NINL: variants seen among roughly 807,000 people sequenced by gnomAD.
NINL encodes ninein like, also known as ninein-like protein.
In NINL, 153 loss-of-function variants were observed where a neutral mutation model predicts 160.3. The ratio of observed to expected loss-of-function variants is 0.95; its 90% CI spans 0.84 to 1.09. The LOEUF is 1.09. Ranked by LOEUF, NINL falls within the 50% of genes least tolerant of loss-of-function variation. The probability of loss-of-function intolerance (pLI) is 0.00; values close to 1 mark genes in which losing one functional copy is unlikely to be tolerated. For synonymous variants in NINL, 800 were observed against 734.8 expected (o/e 1.09, Z -1.43); for missense variants, 1,829 against 1,764.0 (o/e 1.04, Z -0.66).
chr20:25,549,963 G>A (rs997723829), intron 1 of NINL, among the ~76,000 whole-genome samples: 2 of 152,224 alleles, frequency 1.3e-5, no homozygotes, highest in African/African-American at 4.8e-5. Context: ...ATGAAATAAA[G>A]TGGATCAGAA....
intron 7 of NINL, among the ~76,000 whole-genome samples, chr20:25,501,494 C>A (rs1382882359): frequency 6.6e-6 from 1 of 152,316 alleles, no homozygotes; most frequent in South Asian, 2.1e-4. Context: ...GGCGCACACA[C>A]CCCCAGACCC....
intron 22 of NINL, among the ~76,000 whole-genome samples, chr20:25,456,302 C>G (rs1013166537): frequency 1.4e-5 from 2 of 142,528 alleles, no homozygotes; most frequent in African/African-American, 5.2e-5. Context: ...AATCCTAGCA[C>G]TTTGGGAGTC....
intron 1 of NINL, among the ~76,000 whole-genome samples, chr20:25,554,040 G>A (rs574473635): frequency 2.0e-5 from 3 of 152,248 alleles, no homozygotes; most frequent in African/African-American, 7.2e-5. Flanking sequence ...AGGGCAGAAG[G>A]ACCAGGCCTT....
intron 7 of NINL, among the ~76,000 whole-genome samples, chr20:25,501,858 G>C (rs2063874475): frequency 6.6e-6 from 1 of 152,092 alleles, no homozygotes; most frequent in African/African-American, 2.4e-5. Context: ...CAAACTCCTG[G>C]GCTCAAGTGA....
intron 10 of NINL, among the ~76,000 whole-genome samples, chr20:25,494,380 C>T (rs960681173): frequency 6.6e-6 from 1 of 152,046 alleles, no homozygotes; most frequent in Non-Finnish European, 1.5e-5. Flanking sequence ...CCACATGGCA[C>T]CCCATGGGCC....
In NINL at chr20:25,458,029, C is replaced by T. The variant is rs942810540; in HGVS notation, c.3843+354G>A. 6.6e-5 allele frequency among the ~76,000 whole-genome samples: 10 copies of T among 152,176 alleles called. No homozygotes were observed. In the South Asian group the frequency reaches 1.0e-3, roughly 16 times the overall value. ...CACCTGCACTGCCCACGGCACCTGC[C>T]GGGCCCAATCTGTCACCCTCTGCTC... On this transcript the variant is annotated intron_variant, in intron 22 of 23. Transcript: ENST00000278886.
chr20:25,506,989 G>A (rs536614619), intron 5 of NINL, among the ~76,000 whole-genome samples: 20 of 152,298 alleles, frequency 1.3e-4, no homozygotes, highest in Non-Finnish European at 2.5e-4. Flanking sequence ...TATTCTTACA[G>A]TTGATTTGTT....
chr20:25,519,647 C>G (rs887408365), intron 2 of NINL, among the ~76,000 whole-genome samples: 2 of 151,944 alleles, frequency 1.3e-5, no homozygotes, highest in African/African-American at 4.8e-5. Context: ...AATGAAATAC[C>G]TGACAATGAA....
intron 22 of NINL, among the ~76,000 whole-genome samples, chr20:25,457,239 G>A (rs908194616): frequency 1.7e-4 from 26 of 152,214 alleles, no homozygotes; most frequent in African/African-American, 6.3e-4. Context: ...GAGGGGAATT[G>A]CTTGAACACA....
At chr20:25,456,241 CAAAAAAAAAAAAAAA>C (rs34657031) in intron 22 of NINL, among the ~76,000 whole-genome samples, 3 of 40,676 alleles carry the variant, frequency 7.4e-5, no homozygotes, top group Non-Finnish European at 8.4e-5. Context: ...GACTCCATCT[CAAAAAAAAAAAAAAA>C]AAAAAAAAAA....
chr20:25,570,875 G>T (rs2065047475), intron 1 of NINL, among the ~76,000 whole-genome samples: 1 of 151,588 alleles, frequency 6.6e-6, no homozygotes, highest in African/African-American at 2.4e-5. Flanking sequence ...GCTAATTTTT[G>T]TATTTTTTGT....
intron 1 of NINL, among the ~76,000 whole-genome samples, chr20:25,528,903 C>A (rs1252018872): frequency 6.6e-6 from 1 of 152,216 alleles, no homozygotes; most frequent in Non-Finnish European, 1.5e-5. Context: ...ACATCTCTTT[C>A]CAGCAAGGCA....
At chr20:25,498,957 C>T in intron 8 of NINL, 2 of 985,480 alleles carry the variant, frequency 2.0e-6, no homozygotes, top group Non-Finnish European at 2.4e-6. Flanking sequence ...CCCTAAGACC[C>T]TCAGCTCAAG....
At chr20:25,571,385 C>T (rs535317798) in intron 1 of NINL, among the ~76,000 whole-genome samples, 9 of 152,286 alleles carry the variant, frequency 5.9e-5, no homozygotes, top group Non-Finnish European at 8.8e-5. Context: ...CCTGGCCAGC[C>T]CAGACCCTCC....
chr20:25,506,627 G>A (rs970049174), intron 5 of NINL, among the ~76,000 whole-genome samples: 3 of 152,194 alleles, frequency 2.0e-5, no homozygotes, highest in Admixed American at 6.5e-5. Flanking sequence ...AACCAACAGT[G>A]GGGCAAAATT....
intron 7 of NINL, among the ~76,000 whole-genome samples, 174 bp from the exon 8 acceptor site, chr20:25,501,184 T>C (rs1207631109): frequency 6.6e-6 from 1 of 152,180 alleles, no homozygotes; most frequent in Non-Finnish European, 1.5e-5. Context: ...ACATGACCTC[T>C]CCAAGGTCAC....
At chr20:25,578,496 A>T (rs1314658324) in intron 1 of NINL, among the ~76,000 whole-genome samples, 5 of 152,146 alleles carry the variant, frequency 3.3e-5, no homozygotes, top group Non-Finnish European at 5.9e-5. Flanking sequence ...CTCTTGCTTA[A>T]AAATGGAATT....
chr20:25,570,289 G>A (rs756455809), intron 1 of NINL, among the ~76,000 whole-genome samples: 6 of 152,208 alleles, frequency 3.9e-5, no homozygotes, highest in Non-Finnish European at 8.8e-5. Flanking sequence ...ACTCAATGCC[G>A]GAGGTGGGGC....
chr20:25,472,131 C>T (rs533364055), intron 17 of NINL, among the ~76,000 whole-genome samples: 1 of 151,890 alleles, frequency 6.6e-6, no homozygotes, highest in African/African-American at 2.4e-5. Context: ...AAAATAAAAA[C>T]TCATGGGATG....
Sources: allele counts gnomAD v4.1 joint callset (sites outside exome capture counted in the v4.1 genomes callset), GRCh38; gene constraint gnomAD v4.1.1; transcripts MANE v1.5; gene names NCBI Gene and HGNC (gene_info 2026-07-23, HGNC 2026-07-21).